DAB1: variants seen among roughly 807,000 people sequenced by gnomAD.
DAB1 encodes disabled homolog 1.
Under a neutral mutation model 64.6 loss-of-function variants are expected in DAB1, and 15 were observed. The ratio of observed to expected loss-of-function variants is 0.23; its 90% CI spans 0.16 to 0.36. The LOEUF is 0.36. Ranked by LOEUF, DAB1 falls within the 10% of genes least tolerant of loss-of-function variation. DAB1 has a pLI of 1.00. For missense variants in DAB1, 596 were observed against 706.7 expected, an observed-to-expected ratio of 0.84 and a Z score of 1.78; for synonymous variants, 235 against 251.9, an observed-to-expected ratio of 0.93 and a Z score of 0.64.
chr1:57,488,443 G>A (rs1488281438), intron 7 of DAB1, among the ~76,000 whole-genome samples: 18 of 149,090 alleles, frequency 1.2e-4, no homozygotes, highest in Non-Finnish European at 1.9e-4. Context: ...TTGGGAGGCC[G>A]AGGCGGGCAG....
At chr1:58,212,600 T>A (rs1658615139) in intron 4 of DAB1, among the ~76,000 whole-genome samples, 1 of 152,144 alleles carries the variant, frequency 6.6e-6, no homozygotes, top group Non-Finnish European at 1.5e-5. Flanking sequence ...GGAAATACCA[T>A]CTCCCCCACT....
At chr1:57,617,656 C>T (rs1356123047) in intron 7 of DAB1, among the ~76,000 whole-genome samples, 1 of 152,032 alleles carries the variant, frequency 6.6e-6, no homozygotes, top group Non-Finnish European at 1.5e-5. Context: ...CTCTAAGGTC[C>T]CTTGCTTTGC....
intron 7 of DAB1, among the ~76,000 whole-genome samples, chr1:57,569,752 A>T (rs1462767716): frequency 6.6e-6 from 1 of 152,136 alleles, no homozygotes; most frequent in East Asian, 1.9e-4. Flanking sequence ...ATACTAATAA[A>T]AAAAAAGAAA....
intron 3 of DAB1, among the ~76,000 whole-genome samples, chr1:58,355,736 C>G (rs181260435): frequency 7.9e-4 from 121 of 152,248 alleles, no homozygotes; most frequent in Non-Finnish European, 1.4e-3. Context: ...GGATAAACAT[C>G]TCTTATCTCA....
chr1:58,074,142 C>T (rs547481459), intron 5 of DAB1, among the ~76,000 whole-genome samples: 2 of 152,078 alleles, frequency 1.3e-5, no homozygotes, highest in Admixed American at 6.6e-5. Context: ...CAACCAAACA[C>T]GTTATAAATA....
intron 9 of DAB1, among the ~76,000 whole-genome samples, chr1:57,036,112 C>T (rs1647141193): frequency 8.7e-6 from 1 of 114,670 alleles, no homozygotes; most frequent in Non-Finnish European, 1.8e-5. Flanking sequence ...CCCCAATGCA[C>T]ATATTTTTTT....
chr1:57,974,716 T>G (rs573640942), intron 5 of DAB1, among the ~76,000 whole-genome samples: 5 of 152,260 alleles, frequency 3.3e-5, no homozygotes, highest in Admixed American at 1.3e-4. Context: ...GCATATGTCT[T>G]GCACATATAT....
chr1:58,052,538 G>A lies in DAB1; in HGVS notation n.387+97973C>T, dbSNP rs201582540. Among the ~76,000 whole-genome samples, 14 of 152,198 alleles carry A rather than the reference G, an allele frequency of 9.2e-5. No homozygotes were observed. The East Asian group carries it at 2.7e-3, about 29-fold the overall frequency. The stretch of plus-strand genomic sequence containing the variant: ...GACTTGGCAATGCAGGCTCTTTTTT[G>A]GTTCCATATGAACTTTAAAGTAGTT... On this transcript the variant is annotated intron_variant and non_coding_transcript_variant, in intron 5 of 20. Transcript: ENST00000485760.
chr1:57,869,372 C>T (rs965668254), intron 1 of DAB1, among the ~76,000 whole-genome samples: 2 of 152,064 alleles, frequency 1.3e-5, no homozygotes, highest in Admixed American at 1.3e-4. Flanking sequence ...CTTGTATCTC[C>T]AGTTTCAAGG....
intron 1 of DAB1, among the ~76,000 whole-genome samples, chr1:57,292,999 G>C (rs371317695): frequency 5.8e-4 from 89 of 152,232 alleles, no homozygotes; most frequent in Middle Eastern, 3.4e-3. Flanking sequence ...ATAAGGGAAA[G>C]GACCACCAGC....
intron 1 of DAB1, chr1:57,387,493 C>T (rs1681970492): frequency 6.6e-6 from 1 of 152,142 alleles, no homozygotes; most frequent in South Asian, 2.1e-4. Flanking sequence ...CACACACACA[C>T]ACACGCTCCT....
chr1:57,882,868 T>C (rs1371192461), intron 1 of DAB1, among the ~76,000 whole-genome samples: 1 of 152,148 alleles, frequency 6.6e-6, no homozygotes, highest in African/African-American at 2.4e-5. Flanking sequence ...AATGGAAGCA[T>C]ATTTAGAAAA....
At chr1:58,215,587 A>G (rs1192676361) in intron 4 of DAB1, among the ~76,000 whole-genome samples, 1 of 152,122 alleles carries the variant, frequency 6.6e-6, no homozygotes, top group African/African-American at 2.4e-5. Flanking sequence ...CACTCTATTA[A>G]GTGAGTGCAT....
At chr1:58,527,427 G>C in intron 1 of DAB1, 3 of 705,670 alleles carry the variant, frequency 4.3e-6, no homozygotes, top group Non-Finnish European at 7.7e-6. Context: ...CAGTTTCATG[G>C]AGTATCTAGG....
intron 6 of DAB1, among the ~76,000 whole-genome samples, chr1:57,771,672 C>T (rs543448098): frequency 1.3e-5 from 2 of 152,166 alleles, no homozygotes; most frequent in African/African-American, 4.8e-5. Flanking sequence ...GTACATCTAC[C>T]ACCACTATCA....
intron 4 of DAB1, among the ~76,000 whole-genome samples, chr1:57,126,468 T>C (rs1229673517): frequency 6.6e-6 from 1 of 152,146 alleles, no homozygotes; most frequent in Non-Finnish European, 1.5e-5. Flanking sequence ...CTCTGAACCT[T>C]GGCGTTATAT....
chr1:57,557,562 T>C (rs1645004616), intron 7 of DAB1, among the ~76,000 whole-genome samples: 1 of 152,098 alleles, frequency 6.6e-6, no homozygotes, highest in Non-Finnish European at 1.5e-5. Context: ...GGACAGAATA[T>C]TAAGGATTGA....
intron 7 of DAB1, among the ~76,000 whole-genome samples, chr1:57,616,729 GA>G (rs1645794614): frequency 1.3e-5 from 2 of 152,160 alleles, no homozygotes; most frequent in Non-Finnish European, 2.9e-5. Flanking sequence ...CAAATATTAT[GA>G]AATGGGTCTA....
chr1:57,785,761 G>A (rs894682874), intron 6 of DAB1, among the ~76,000 whole-genome samples: 1 of 152,144 alleles, frequency 6.6e-6, no homozygotes, highest in Non-Finnish European at 1.5e-5. Flanking sequence ...ATATACTCCT[G>A]GTGAAGATGC....
Sources: allele counts gnomAD v4.1 joint callset (sites outside exome capture counted in the v4.1 genomes callset), GRCh38; gene constraint gnomAD v4.1.1; transcripts MANE v1.5; gene names NCBI Gene and HGNC (gene_info 2026-07-23, HGNC 2026-07-21).